CDH12: variants seen among roughly 807,000 people sequenced by gnomAD.
The protein encoded by CDH12 is cadherin 12.
A neutral mutation model predicts 74.1 loss-of-function variants in CDH12; 41 were observed. That is an observed-to-expected ratio of 0.55 (90% CI 0.43 to 0.72). The LOEUF (loss-of-function observed/expected upper bound fraction) is 0.72, where lower values mean the gene tolerates loss of function less well. Ranked by LOEUF, CDH12 falls within the 30% of genes least tolerant of loss-of-function variation. CDH12 has a pLI of 0.00. For missense variants in CDH12, 945 were observed against 977.2 expected (o/e 0.97, Z 0.44); for synonymous variants, 399 against 355.0 (o/e 1.12, Z -1.39).
At chr5:21,839,359 G>T (rs960393541) in intron 8 of CDH12, among the ~76,000 whole-genome samples, 6 of 152,098 alleles carry the variant, frequency 3.9e-5, no homozygotes, top group Non-Finnish European at 7.4e-5. Context: ...TGCAAAAGTA[G>T]AATTACTTTT....
intron 3 of CDH12, among the ~76,000 whole-genome samples, chr5:22,402,909 A>T (rs1026811802): frequency 6.6e-6 from 1 of 152,218 alleles, no homozygotes; most frequent in African/African-American, 2.4e-5. Context: ...AAAATGTTAT[A>T]TAAGCATAAA....
chr5:22,554,968 C>G (rs1019960265), intron 1 of CDH12, among the ~76,000 whole-genome samples: 4 of 152,016 alleles, frequency 2.6e-5, no homozygotes, highest in African/African-American at 9.7e-5. Context: ...GCTGTTTACC[C>G]AAAGAGCATG....
intron 2 of CDH12, among the ~76,000 whole-genome samples, chr5:22,467,370 C>T (rs1009052290): frequency 3.9e-5 from 6 of 152,138 alleles, no homozygotes; most frequent in Non-Finnish European, 8.8e-5. Flanking sequence ...TATCATCTCC[C>T]GTGGCTTGTT....
intron 4 of CDH12, among the ~76,000 whole-genome samples, chr5:22,083,941 C>T (rs1380292251): frequency 6.6e-6 from 1 of 152,094 alleles, no homozygotes; most frequent in African/African-American, 2.4e-5. Flanking sequence ...TCATTTAGCT[C>T]TTTTGTAAAA....
At chr5:22,614,214 C>T (rs1464224925) in intron 1 of CDH12, among the ~76,000 whole-genome samples, 1 of 152,076 alleles carries the variant, frequency 6.6e-6, no homozygotes, top group Non-Finnish European at 1.5e-5. Context: ...CTCATTTGGA[C>T]TTGTTGCAAA....
At chr5:22,376,754 C>A (rs982471090) in intron 3 of CDH12, among the ~76,000 whole-genome samples, 1 of 146,470 alleles carries the variant, frequency 6.8e-6, no homozygotes, top group Middle Eastern at 3.6e-3. Flanking sequence ...AAATCCTGGG[C>A]TCAAGTGATC....
intron 3 of CDH12, among the ~76,000 whole-genome samples, chr5:22,323,882 C>T (rs1284057546): frequency 6.6e-6 from 1 of 152,130 alleles, no homozygotes; most frequent in Non-Finnish European, 1.5e-5. Context: ...TACTTGTGCT[C>T]TTGAATCCTT....
chr5:22,737,775 T>C (rs1048373987), intron 1 of CDH12, among the ~76,000 whole-genome samples: 1 of 152,092 alleles, frequency 6.6e-6, no homozygotes, highest in East Asian at 1.9e-4. Flanking sequence ...GAAACAGACA[T>C]ATTCTTTGTA....
chr5:22,465,002 AAGAG>A (rs143430300), intron 2 of CDH12, among the ~76,000 whole-genome samples: 5 of 130,938 alleles, frequency 3.8e-5, no homozygotes, highest in South Asian at 2.8e-4. Context: ...CTGTGTTAAA[AAGAG>A]AGAGAGAGAG....
chr5:22,213,939 G>T (rs1214845538), intron 3 of CDH12, among the ~76,000 whole-genome samples: 2 of 151,860 alleles, frequency 1.3e-5, no homozygotes, highest in Non-Finnish European at 2.9e-5. Flanking sequence ...GTGGGTGCGT[G>T]TGCTTGCGTG....
At chr5:22,364,511 T>G (rs988585257) in intron 3 of CDH12, among the ~76,000 whole-genome samples, 2 of 152,142 alleles carry the variant, frequency 1.3e-5, no homozygotes, top group Non-Finnish European at 2.9e-5. Context: ...TGGTAATCTG[T>G]GGCCGGCAAC....
chr5:22,241,067 A>G (rs1245139423), intron 3 of CDH12, among the ~76,000 whole-genome samples: 2 of 152,136 alleles, frequency 1.3e-5, no homozygotes, highest in Non-Finnish European at 2.9e-5. Context: ...TTGATGTGGT[A>G]AGGACGCATA....
chr5:22,385,754 A>G (rs1421987638), intron 3 of CDH12, among the ~76,000 whole-genome samples: 1 of 152,120 alleles, frequency 6.6e-6, no homozygotes, highest in Non-Finnish European at 1.5e-5. Flanking sequence ...TTGGCTCATA[A>G]TTCCACAGGC....
chr5:22,529,165 GTATA>G (rs375609140), intron 1 of CDH12, among the ~76,000 whole-genome samples: 1,394 of 75,616 alleles, frequency 0.018, 21 homozygotes, highest in Admixed American at 0.024. Context: ...ATACACATGT[GTATA>G]TATATATATA....
chr5:22,708,746 T>C (rs112311151), intron 1 of CDH12, among the ~76,000 whole-genome samples: 9 of 152,160 alleles, frequency 5.9e-5, no homozygotes, highest in African/African-American at 2.2e-4. Context: ...ACCACAGATA[T>C]TGAGGGTGAA....
At chr5:22,813,163 G>T (rs983389) in intron 1 of CDH12, among the ~76,000 whole-genome samples, 28,115 of 152,142 alleles carry the variant, frequency 0.18, 2,844 homozygotes, top group Admixed American at 0.24. Flanking sequence ...ATTAAATACA[G>T]CTACTAGGAT....
intron 4 of CDH12, among the ~76,000 whole-genome samples, chr5:22,147,159 C>T (rs1321315908): frequency 2.6e-5 from 4 of 152,116 alleles, no homozygotes; most frequent in Admixed American, 6.6e-5. Context: ...ACTTACTTTG[C>T]TTTCATCAAA....
At chr5:22,535,815 A>T (rs1212007312) in intron 1 of CDH12, among the ~76,000 whole-genome samples, 1 of 152,224 alleles carries the variant, frequency 6.6e-6, no homozygotes, top group Non-Finnish European at 1.5e-5. Flanking sequence ...GGGATTATGA[A>T]AATACAGTCG....
intron 1 of CDH12, among the ~76,000 whole-genome samples, chr5:22,648,139 A>G (rs970224916): frequency 6.6e-6 from 1 of 151,742 alleles, no homozygotes; most frequent in African/African-American, 2.4e-5. Flanking sequence ...ATTTTGACAA[A>G]GGCTGATGCA....
Sources: allele counts gnomAD v4.1 joint callset (sites outside exome capture counted in the v4.1 genomes callset), GRCh38; gene constraint gnomAD v4.1.1; transcripts MANE v1.5; gene names NCBI Gene and HGNC (gene_info 2026-07-23, HGNC 2026-07-21).